LUZP2: variants seen among roughly 807,000 people sequenced by gnomAD.
LUZP2 encodes leucine zipper protein 2.
A neutral mutation model predicts 51.6 loss-of-function variants in LUZP2; 52 were observed. The ratio of observed to expected loss-of-function variants is 1.01; its 90% CI spans 0.81 to 1.27. LUZP2 has a LOEUF of 1.27. LUZP2 is among the 50% of genes most tolerant of loss of function. The pLI is 0.00. For synonymous variants in LUZP2, 154 were observed against 137.3 expected (o/e 1.12, Z -0.85); for missense variants, 436 against 395.4 (o/e 1.10, Z -0.87).
At chr11:24,953,588 A>C (rs2133866817) in intron 7 of LUZP2, among the ~76,000 whole-genome samples, 1 of 152,162 alleles carries the variant, frequency 6.6e-6, no homozygotes, top group South Asian at 2.1e-4. Context: ...TCTTGGACTT[A>C]AAAGAGAGGA....
chr11:24,675,133 T>C (rs985540807), intron 1 of LUZP2, among the ~76,000 whole-genome samples: 1 of 152,182 alleles, frequency 6.6e-6, no homozygotes, highest in Non-Finnish European at 1.5e-5. Context: ...AATTAGAGTG[T>C]GGTTCAGGTA....
At chr11:24,789,982 T>C (rs1564895176) in intron 5 of LUZP2, among the ~76,000 whole-genome samples, 1 of 152,222 alleles carries the variant, frequency 6.6e-6, no homozygotes, top group Non-Finnish European at 1.5e-5. Flanking sequence ...TCTCAACTTA[T>C]GCTGAATGAG....
At chr11:25,028,224 G>A (rs1857551714) in intron 9 of LUZP2, among the ~76,000 whole-genome samples, 1 of 152,074 alleles carries the variant, frequency 6.6e-6, no homozygotes, top group Non-Finnish European at 1.5e-5. Flanking sequence ...TCCAGTTATA[G>A]TCTTTCATTT....
intron 5 of LUZP2, among the ~76,000 whole-genome samples, chr11:24,856,966 T>C (rs1285935540): frequency 6.6e-6 from 1 of 151,924 alleles, no homozygotes; most frequent in Non-Finnish European, 1.5e-5. Flanking sequence ...GGTTGAGGGA[T>C]GAGAAATTAC....
chr11:24,507,957 A>G (rs1464175193), intron 1 of LUZP2, among the ~76,000 whole-genome samples: 1 of 151,434 alleles, frequency 6.6e-6, no homozygotes, highest in Non-Finnish European at 1.5e-5. Flanking sequence ...CTAGAGTGAA[A>G]AAAGAAACTC....
At chr11:24,553,734 A>G (rs545838150) in intron 1 of LUZP2, among the ~76,000 whole-genome samples, 3 of 152,250 alleles carry the variant, frequency 2.0e-5, no homozygotes, top group South Asian at 2.1e-4. Flanking sequence ...GAGCCAAGCT[A>G]TGGTACGTAT....
At chr11:25,047,532 C>A (rs146129814) in intron 9 of LUZP2, among the ~76,000 whole-genome samples, 1 of 151,714 alleles carries the variant, frequency 6.6e-6, no homozygotes, top group Admixed American at 6.6e-5. Flanking sequence ...AAAAACATAC[C>A]TTTTCTTCAG....
intron 1 of LUZP2, among the ~76,000 whole-genome samples, chr11:24,553,130 G>A (rs972732626): frequency 1.3e-5 from 2 of 151,356 alleles, no homozygotes; most frequent in Non-Finnish European, 1.5e-5. Context: ...AATTTAGACA[G>A]TATATCTGTA....
At chr11:25,039,797 A>C (rs1056945075) in intron 9 of LUZP2, among the ~76,000 whole-genome samples, 1 of 152,246 alleles carries the variant, frequency 6.6e-6, no homozygotes, top group South Asian at 2.1e-4. Flanking sequence ...AAAATTTTTT[A>C]TTGCAGCAAA....
chr11:25,052,613 C>G (rs768453655), intron 10 of LUZP2, among the ~76,000 whole-genome samples: 14 of 152,178 alleles, frequency 9.2e-5, no homozygotes, highest in Admixed American at 2.0e-4. Context: ...CCATAATATT[C>G]TGATTTGCAT....
At chr11:24,719,317 T>C (rs1034683991) in intron 1 of LUZP2, among the ~76,000 whole-genome samples, 5 of 152,226 alleles carry the variant, frequency 3.3e-5, no homozygotes, top group Non-Finnish European at 7.3e-5. Context: ...AGATGGGATT[T>C]GATTGAGCAA....
chr11:24,848,750 C>T (rs1291490982), intron 5 of LUZP2, among the ~76,000 whole-genome samples: 1 of 152,136 alleles, frequency 6.6e-6, no homozygotes, highest in African/African-American at 2.4e-5. Flanking sequence ...AAAGCGGAAA[C>T]ATTTCAATTC....
intron 5 of LUZP2, among the ~76,000 whole-genome samples, chr11:24,811,747 C>T (rs1850030130): frequency 1.3e-5 from 2 of 151,998 alleles, no homozygotes; most frequent in African/African-American, 4.8e-5. Context: ...CACTCTAGCC[C>T]AAACTATCTT....
intron 9 of LUZP2, among the ~76,000 whole-genome samples, chr11:25,021,807 C>A (rs554245420): frequency 1.3e-5 from 2 of 151,894 alleles, no homozygotes; most frequent in South Asian, 2.1e-4. Flanking sequence ...AGGGCAGTGA[C>A]AAAGAAGAAT....
chr11:25,043,184 T>A (rs1282440533), intron 9 of LUZP2, among the ~76,000 whole-genome samples: 1 of 152,210 alleles, frequency 6.6e-6, no homozygotes, highest in Admixed American at 6.5e-5. Context: ...CCACTCACTC[T>A]GATTTTTCTG....
chr11:24,729,702 G>C (rs759495704), intron 2 of LUZP2, among the ~76,000 whole-genome samples: 1 of 151,810 alleles, frequency 6.6e-6, no homozygotes, highest in Non-Finnish European at 1.5e-5. Flanking sequence ...CCTTTAAAAG[G>C]CAAGTGGCAT....
intron 7 of LUZP2, among the ~76,000 whole-genome samples, chr11:24,932,199 A>T (rs1390801109): frequency 6.6e-6 from 1 of 152,146 alleles, no homozygotes; most frequent in Non-Finnish European, 1.5e-5. Flanking sequence ...TCTTGGTTAT[A>T]GTTTTGTTTA....
intron 6 of LUZP2, among the ~76,000 whole-genome samples, chr11:24,912,606 C>T (rs945642953): frequency 2.0e-5 from 3 of 152,022 alleles, no homozygotes; most frequent in Non-Finnish European, 2.9e-5. Context: ...CTCAGGAGTT[C>T]GAGACAAGCC....
intron 9 of LUZP2, among the ~76,000 whole-genome samples, chr11:25,048,799 G>T (rs1858397714): frequency 6.6e-6 from 1 of 151,556 alleles, no homozygotes; most frequent in Admixed American, 6.6e-5. Context: ...AAATTAAGAA[G>T]AATGTATTTA....
Sources: gnomAD v4.1 joint callset for allele counts (sites outside exome capture counted in the v4.1 genomes callset) on GRCh38, gnomAD v4.1.1 for gene constraint, MANE v1.5 for transcripts, NCBI Gene and HGNC (gene_info 2026-07-23, HGNC 2026-07-21) for gene names.